Variants in CEP162 observed in about 807,000 individuals in gnomAD.
CEP162 encodes centrosomal protein 162.
CEP162 carries 141 observed loss-of-function variants against 169.2 expected under a neutral mutation model. The observed-to-expected ratio is 0.83, with a 90% confidence interval of 0.73 to 0.96. CEP162 has a LOEUF of 0.96. Ranked by LOEUF, CEP162 falls within the 40% of genes least tolerant of loss-of-function variation. CEP162 has a pLI of 0.00. For missense variants in CEP162, 1,600 were observed against 1,587.2 expected, an observed-to-expected ratio of 1.01 and a Z score of -0.14; for synonymous variants, 540 against 526.4, an observed-to-expected ratio of 1.03 and a Z score of -0.35.
chr6:84,139,568 C>T (rs941233861), intron 25 of CEP162, among the ~76,000 whole-genome samples: 3 of 152,158 alleles, frequency 2.0e-5, no homozygotes, highest in African/African-American at 7.2e-5. Flanking sequence ...GATACCCCAT[C>T]CACTCTGGAA....
intron 25 of CEP162, among the ~76,000 whole-genome samples, chr6:84,128,222 G>C (rs1012171242): frequency 2.0e-4 from 30 of 152,082 alleles, no homozygotes; most frequent in African/African-American, 7.2e-4. Context: ...TCTGGTTTTA[G>C]ACAAATAGAG....
At chr6:84,224,741 CACAG>C (rs977669092) in intron 2 of CEP162, among the ~76,000 whole-genome samples, 1 of 150,634 alleles carries the variant, frequency 6.6e-6, no homozygotes, top group Non-Finnish European at 1.5e-5. Context: ...GGAAGAGAGA[CACAG>C]ACAGAAGGGT....
chr6:84,146,307 C>T (rs567511533), intron 25 of CEP162, among the ~76,000 whole-genome samples: 2 of 152,192 alleles, frequency 1.3e-5, no homozygotes, highest in South Asian at 4.1e-4. Flanking sequence ...TGGGGTCTGT[C>T]TCAACTAAAA....
In CEP162 at chr6:84,215,882, C is replaced by T; in HGVS notation, c.213G>A (p.Lys71=). 1 of 1,577,658 alleles carries T rather than the reference C, an allele frequency of 6.3e-7. No individual in the cohort carries two copies. Among genetic ancestry groups the T allele is most frequent in the South Asian group, 1.2e-5 (1 of 86,078 alleles). Residue 71 remains lysine, a synonymous_variant, in exon 4 of 27, where the codon AAG becomes AAA. Transcript: ENST00000403245. ...CTATTTCCATAACAGGCTGAGAAGT[C>T]TTCTTTGTTTTCAAATAGCTCACAT... ...GTNVSYLKTK[K]TSQPVMEIEE...
rs1489575096 is a variant in CEP162, at chr6:84,194,967, G to A, written c.944C>T (p.Thr315Ile). The A allele has an allele frequency of 2.5e-6, 4 of 1,613,244 alleles. No individual in the cohort carries two copies. Among genetic ancestry groups the A allele is most frequent in the Non-Finnish European group, 3.4e-6 (4 of 1,179,550 alleles). ...DEDKQKIESN[T>I]VEDIKSSVKG... ...CACTGAGCTCTTGATATCTTCCACT[G>A]TGTTACTCTCAATTTTTTGTTTGTC... The change falls in exon 10 of 27, where the codon ACA becomes ATA. Residue 315 changes from threonine to isoleucine, a missense_variant. Physicochemically the swap from Thr to Ile is moderately conservative, Grantham distance 89. Coordinates refer to ENST00000403245, the MANE Select transcript of CEP162 (RefSeq NM_014895.4).
intron 2 of CEP162, among the ~76,000 whole-genome samples, chr6:84,225,097 A>G (rs2099555181): frequency 6.6e-6 from 1 of 152,206 alleles, no homozygotes; most frequent in African/African-American, 2.4e-5. Flanking sequence ...TGTATAACGT[A>G]TAATAGCTTA....
chr6:84,152,708 T>C lies in CEP162; in HGVS notation c.3466A>G (p.Ser1156Gly), dbSNP rs2129202363. Residue 1156 changes from serine (S) to glycine (G), a missense_variant, in exon 23 of 27, where the codon AGC becomes GGC. Physicochemically the swap from Ser to Gly is moderately conservative, Grantham distance 56 (BLOSUM62 0). Coordinates refer to ENST00000403245, the MANE Select transcript of CEP162 (RefSeq NM_014895.4). ...AAAGTATGTGGTTGGTACAGCTTGC[T>C]GTCCAGGGTTCCAGGGAAGGAGTTA... is the stretch of plus-strand genomic sequence containing the variant. ...NANSFPGTLD[S>G]KLYQPHTFTD... is the part of the protein sequence containing the mutation. 6.8e-6 allele frequency: 11 copies of C among 1,613,130 alleles called. No homozygotes were observed. The highest frequency in any genetic ancestry group is 2.2e-5 in the East Asian group (1 of 44,816).
intron 8 of CEP162, among the ~76,000 whole-genome samples, chr6:84,201,404 ATGTG>A (rs768517778): frequency 7.9e-5 from 12 of 151,706 alleles, no homozygotes; most frequent in African/African-American, 1.7e-4. Flanking sequence ...TGTTTTATCT[ATGTG>A]TGTGTGTGTG....
At chr6:84,197,949 A>C (rs1188129042) in intron 9 of CEP162, among the ~76,000 whole-genome samples, 1 of 152,210 alleles carries the variant, frequency 6.6e-6, no homozygotes, top group Non-Finnish European at 1.5e-5. Context: ...CAGACATAGC[A>C]CAAAATGGTA....
At chr6:84,142,423 C>T (rs980436999) in intron 25 of CEP162, among the ~76,000 whole-genome samples, 44 of 152,112 alleles carry the variant, frequency 2.9e-4, no homozygotes, top group African/African-American at 9.2e-4. Flanking sequence ...TGTGTATATA[C>T]GTATACATTT....
chr6:84,197,592 C>T (rs1421586357), intron 9 of CEP162, among the ~76,000 whole-genome samples: 1 of 151,972 alleles, frequency 6.6e-6, no homozygotes, highest in Non-Finnish European at 1.5e-5. Context: ...GCAGGTGGAT[C>T]ACCTGAGGTC....
chr6:84,146,622 A>G (rs1234496664), intron 25 of CEP162, 65 bp downstream of exon 25: 1 of 700,310 alleles, frequency 1.4e-6, no homozygotes, highest in Non-Finnish European at 2.4e-6. Context: ...AAATTTATAA[A>G]TATGAATATG....
At chr6:84,224,002 C>T (rs1021563251) in intron 2 of CEP162, among the ~76,000 whole-genome samples, 4 of 151,882 alleles carry the variant, frequency 2.6e-5, no homozygotes, top group African/African-American at 7.3e-5. Context: ...GGCAAACACA[C>T]AGCTACCATA....
Position 84,161,825 on chromosome 6 carries a change from G to A in CEP162, c.2597C>T (p.Ala866Val), listed in dbSNP as rs1173124186. ...TTTATCCAGAAGTTCCTGATTTTCA[G>A]CATACCACTGTAATCTTTTTTGCAG... ...SRLQKRLQWY[A>V]ENQELLDKDA... Residue 866 changes from alanine (A) to valine (V), a missense_variant, in exon 20 of 27, where the codon GCT becomes GTT. Ala to Val is a moderately conservative substitution (Grantham distance 64). Coordinates refer to ENST00000403245, the MANE Select transcript of CEP162 (RefSeq NM_014895.4). 5.6e-6 allele frequency: 9 copies of A among 1,597,586 alleles called. No individual in the cohort carries two copies. Among genetic ancestry groups the A allele is most frequent in the Non-Finnish European group, 7.7e-6 (9 of 1,170,100 alleles).
At chr6:84,206,174 C>T (rs1256097247) in intron 6 of CEP162, among the ~76,000 whole-genome samples, 1 of 149,286 alleles carries the variant, frequency 6.7e-6, no homozygotes, top group Non-Finnish European at 1.5e-5. Flanking sequence ...AGTGCCATCC[C>T]CATCAAGCTA....
intron 11 of CEP162, among the ~76,000 whole-genome samples, chr6:84,188,095 C>A (rs1236379792): frequency 7.0e-6 from 1 of 142,176 alleles, no homozygotes; most frequent in Non-Finnish European, 1.5e-5. Context: ...CAGAGTGAGA[C>A]TCCGTCTCAA....
chr6:84,159,972 G>A (rs1244447313), intron 21 of CEP162, among the ~76,000 whole-genome samples: 2 of 151,930 alleles, frequency 1.3e-5, no homozygotes. Flanking sequence ...ATAAAAATAG[G>A]TCTTGTAAAA....
rs774043726 is a variant in CEP162, at chr6:84,152,793, T to C, written c.3381A>G (p.Arg1127=). 3.1e-6 allele frequency: 5 copies of C among 1,613,626 alleles called. 1 individual carries two copies. The South Asian group carries it at 5.5e-5, about 18-fold the overall frequency. The change falls in exon 23 of 27, where the codon AGA becomes AGG. Residue 1127 remains arginine (R), a synonymous_variant. Coordinates refer to ENST00000403245, the MANE Select transcript of CEP162 (RefSeq NM_014895.4). ...MMLSNQNSKG[R]EEMSAKRAKK... is the part of the protein sequence containing the mutation. Reference sequence around the variant, plus strand: ...TTGCCCTTTTGGCAGACATTTCCTCTCTGCCCTTTGAGTTCTGATTTGATA... The same window carrying C: ...TTGCCCTTTTGGCAGACATTTCCTCCCTGCCCTTTGAGTTCTGATTTGATA...
intron 17 of CEP162, among the ~76,000 whole-genome samples, chr6:84,170,229 C>T (rs1395569626): frequency 6.6e-6 from 1 of 151,772 alleles, no homozygotes; most frequent in Non-Finnish European, 1.5e-5. Flanking sequence ...AAAAAATTAG[C>T]CGGGCATGGT....
Sources: gnomAD v4.1 joint callset for allele counts (sites outside exome capture counted in the v4.1 genomes callset) on GRCh38, gnomAD v4.1.1 for gene constraint, MANE v1.5 for transcripts, NCBI Gene and HGNC (gene_info 2026-07-23, HGNC 2026-07-21) for gene names.